Variants in MDN1 observed in about 807,000 individuals in gnomAD.
MDN1 encodes the protein midasin AAA ATPase 1, also known as midasin.
MDN1 carries 266 observed loss-of-function variants against 669.2 expected under a neutral mutation model. That is an observed-to-expected ratio of 0.40 (90% CI 0.36 to 0.44). The LOEUF (loss-of-function observed/expected upper bound fraction) is 0.44. Among genes scored for constraint, MDN1 ranks in the 20% least tolerant of loss-of-function variants. The pLI, the probability that MDN1 is intolerant of heterozygous loss-of-function variation, is 1.00. For synonymous variants in MDN1, 2,385 were observed against 2,457.1 expected, an observed-to-expected ratio of 0.97 and a Z score of 0.87; for missense variants, 5,940 against 6,754.0, an observed-to-expected ratio of 0.88 and a Z score of 4.22.
intron 43 of MDN1, among the ~76,000 whole-genome samples, chr6:89,717,813 C>T (rs1029043196): frequency 1.8e-4 from 28 of 152,178 alleles, no homozygotes; most frequent in African/African-American, 6.8e-4. Flanking sequence ...CAGTTACAAG[C>T]AGGCTTTGGA....
At chr6:89,799,079 A>G (rs1281898441) in intron 2 of MDN1, among the ~76,000 whole-genome samples, 2 of 152,242 alleles carry the variant, frequency 1.3e-5, no homozygotes, top group Non-Finnish European at 2.9e-5. Flanking sequence ...ATTTCTAGAT[A>G]CAGTTTTTAA....
intron 76 of MDN1, among the ~76,000 whole-genome samples, chr6:89,676,723 T>C (rs1403206330): frequency 6.6e-6 from 1 of 152,156 alleles, no homozygotes; most frequent in Non-Finnish European, 1.5e-5. Flanking sequence ...TTATGTAAAA[T>C]TTCCCCTTTC....
chr6:89,656,522 C>T (rs745944461), intron 91 of MDN1, among the ~76,000 whole-genome samples, 178 bp downstream of exon 91: 1 of 152,026 alleles, frequency 6.6e-6, no homozygotes, highest in Non-Finnish European at 1.5e-5. Flanking sequence ...GTGACGGGAT[C>T]CCACTGGGTA....
At chr6:89,803,298 AG>A (rs748980805) in intron 2 of MDN1, 29 bp downstream of exon 2, 1 of 1,589,160 alleles carries the variant, frequency 6.3e-7, no homozygotes, top group Admixed American at 1.7e-5. Context: ...CACCTCAAGG[AG>A]AAATGCGAAT....
At chr6:89,803,743 G>A (rs1230667382) in intron 1 of MDN1, among the ~76,000 whole-genome samples, 189 bp from the exon 2 acceptor site, 6 of 151,638 alleles carry the variant, frequency 4.0e-5, no homozygotes, top group African/African-American at 7.3e-5. Context: ...CACCATACCC[G>A]GCTAATTTTT....
chr6:89,669,981 G>C (rs994411051), intron 83 of MDN1, among the ~76,000 whole-genome samples: 3 of 151,530 alleles, frequency 2.0e-5, no homozygotes, highest in Middle Eastern at 3.4e-3. Context: ...GAGGTGGACA[G>C]ATCACAAGGT....
chr6:89,691,863 A>G (rs975092676), intron 63 of MDN1, among the ~76,000 whole-genome samples: 2 of 152,164 alleles, frequency 1.3e-5, no homozygotes, highest in Admixed American at 1.3e-4. Context: ...TCTGTTAACT[A>G]TGCTAAGATT....
chr6:89,770,794 C>T lies in MDN1; in HGVS notation c.2144+767G>A, dbSNP rs1368062013. Among the ~76,000 whole-genome samples, 11 of 152,158 alleles carry T rather than the reference C, an allele frequency of 7.2e-5. No homozygotes were observed. The East Asian group carries it at 9.6e-4, about 13-fold the overall frequency. On this transcript the variant is annotated intron_variant, in intron 15 of 101. Coordinates refer to ENST00000369393, the MANE Select transcript of MDN1 (RefSeq NM_014611.3). Reference sequence around the variant, plus strand: ...CTGGGATTACAGGTGTGAGCCGCCACGCCTGGCCCAGAACTTACACTTTAG... The same window carrying T: ...CTGGGATTACAGGTGTGAGCCGCCATGCCTGGCCCAGAACTTACACTTTAG...
intron 33 of MDN1, among the ~76,000 whole-genome samples, 197 bp from the exon 34 acceptor site, chr6:89,732,972 T>C (rs1169068248): frequency 6.6e-6 from 1 of 152,174 alleles, no homozygotes; most frequent in Non-Finnish European, 1.5e-5. Context: ...GATTCATCAA[T>C]AGCAGTCCAT....
At chr6:89,688,859 T>G (rs1414437234) in intron 65 of MDN1, 51 bp from the exon 66 acceptor site, 9 of 1,460,294 alleles carry the variant, frequency 6.2e-6, no homozygotes, top group Non-Finnish European at 8.6e-6. Context: ...AGTTGATCTA[T>G]CAACATGTCA....
Position 89,643,837 on chromosome 6 carries a change from G to T in MDN1, c.*168C>A. On this transcript the variant is annotated 3_prime_UTR_variant, in exon 102 of 102. Transcript: ENST00000369393. ...TTCCAGGTTTGGTATAAAAACCTCA[G>T]CCCAGGCAAAGCCGGGAGCCAGAGA... 3.5e-6 allele frequency: 2 copies of T among 572,662 alleles called. No individual in the cohort carries two copies. Among genetic ancestry groups the T allele is most frequent in the Admixed American group, 7.4e-5 (2 of 27,048 alleles). 35.5% of individuals were successfully genotyped at this position (572,662 alleles called of 1,614,324 possible).
chr6:89,728,569 G>T (rs533624002), intron 36 of MDN1, among the ~76,000 whole-genome samples: 1 of 152,278 alleles, frequency 6.6e-6, no homozygotes, highest in Non-Finnish European at 1.5e-5. Context: ...CATGGCTTAC[G>T]CCTGTAATCC....
intron 30 of MDN1, 94 bp downstream of exon 30, chr6:89,743,477 TAACCA>T: frequency 6.9e-7 from 1 of 1,450,714 alleles, no homozygotes; most frequent in East Asian, 2.3e-5. Flanking sequence ...TATGCACATT[TAACCA>T]AACCAGAACC....
Position 89,700,746 on chromosome 6 carries a change from G to C in MDN1, c.8538C>G (p.Asn2846Lys). 1.2e-6 allele frequency: 2 copies of C among 1,614,164 alleles called. No individual in the cohort carries two copies. The highest frequency in any genetic ancestry group is 1.7e-6 in the Non-Finnish European group (2 of 1,180,020). The stretch of plus-strand genomic sequence containing the variant: ...ACTGAGAAGCAACCACTTGGAGACG[G>C]TTAATGTCTTCCTGCCATCCACTCT... ...LGESGWQEDI[N>K]RLQVVASQWT... The change falls in exon 56 of 102, where the codon AAC becomes AAG. Residue 2846 changes from asparagine to lysine, a missense_variant. Asn to Lys is a moderately conservative substitution (Grantham distance 94). Transcript: ENST00000369393.
chr6:89,754,177 C>A lies in MDN1; in HGVS notation c.2870G>T (p.Gly957Val). ...ESGTKLVDGT[G>V]HRPHYSLRTL... The stretch of plus-strand genomic sequence containing the variant: ...CCGAAGGCTGTAGTGAGGTCTATGG[C>A]CAGTGCCATCCACCAGTTTGGTCCC... The change falls in exon 21 of 102, where the codon GGC becomes GTC. Residue 957 changes from glycine (G) to valine (V), a missense_variant. By Grantham distance (109) the Gly-to-Val change is moderately radical. Around this residue, in one of 5 missense-constraint regions of MDN1, gnomAD observed 1,203 missense variants for 1,268.9 expected, o/e 0.95. Transcript: ENST00000369393. The A allele has an allele frequency of 6.2e-7, 1 of 1,614,056 alleles. No individual in the cohort carries two copies. The highest frequency in any genetic ancestry group is 8.5e-7 in the Non-Finnish European group (1 of 1,179,972).
intron 62 of MDN1, 86 bp downstream of exon 62, chr6:89,693,988 T>G: frequency 1.9e-6 from 2 of 1,068,680 alleles, no homozygotes; most frequent in South Asian, 2.6e-5. Context: ...GAGGTGTATA[T>G]TATCACTTCT....
intron 27 of MDN1, among the ~76,000 whole-genome samples, chr6:89,746,983 G>A (rs1259304733): frequency 1.3e-5 from 2 of 152,174 alleles, no homozygotes; most frequent in African/African-American, 4.8e-5. Flanking sequence ...CTGTATGTCT[G>A]TAAAGCACTA....
intron 92 of MDN1, among the ~76,000 whole-genome samples, chr6:89,654,902 G>A (rs2128299331): frequency 6.6e-6 from 1 of 152,236 alleles, no homozygotes; most frequent in African/African-American, 2.4e-5. Flanking sequence ...TAGAAAACAA[G>A]GCACAGAAAG....
intron 40 of MDN1, among the ~76,000 whole-genome samples, chr6:89,720,505 A>G (rs1459695927): frequency 3.3e-5 from 5 of 152,062 alleles, no homozygotes; most frequent in African/African-American, 1.2e-4. Flanking sequence ...TTATCCTTCT[A>G]TAACATTATT....
Sources: allele counts gnomAD v4.1 joint callset (sites outside exome capture counted in the v4.1 genomes callset), GRCh38; gene constraint gnomAD v4.1.1; regional missense constraint gnomAD v4.1.1; transcripts MANE v1.5; gene names NCBI Gene and HGNC (gene_info 2026-07-23, HGNC 2026-07-21).